The following THRB variants were observed in gnomAD, a reference collection of about 807,000 sequenced individuals.
THRB encodes the protein nuclear receptor subfamily 1 group A member 2.
Under a neutral mutation model 47.8 loss-of-function variants are expected in THRB, and 12 were observed. That is an observed-to-expected ratio of 0.25 (90% CI 0.16 to 0.41). The LOEUF is 0.41. Ranked by LOEUF, THRB falls within the 10% of genes least tolerant of loss-of-function variation. THRB has a pLI of 1.00. For synonymous variants in THRB, 218 were observed against 212.2 expected, an observed-to-expected ratio of 1.03 and a Z score of -0.24; for missense variants, 348 against 589.2, an observed-to-expected ratio of 0.59 and a Z score of 4.24.
intron 1 of THRB, among the ~76,000 whole-genome samples, chr3:24,487,165 T>C (rs916315193): frequency 6.6e-6 from 1 of 152,172 alleles, no homozygotes. Context: ...TGTGTGTGTG[T>C]GTGTGAAAAA....
intron 1 of THRB, among the ~76,000 whole-genome samples, chr3:24,488,504 T>C (rs1697642436): frequency 6.6e-6 from 1 of 151,768 alleles, no homozygotes; most frequent in Non-Finnish European, 1.5e-5. Flanking sequence ...TAAGTTGAGA[T>C]ATGTAAGCCA....
intron 1 of THRB, among the ~76,000 whole-genome samples, chr3:24,375,527 T>C (rs1051976966): frequency 1.4e-5 from 2 of 147,178 alleles, no homozygotes; most frequent in South Asian, 4.2e-4. Context: ...ATAATATTAA[T>C]ATATTAGTTA....
chr3:24,353,036 A>G (rs2149556398), intron 1 of THRB, among the ~76,000 whole-genome samples: 1 of 152,228 alleles, frequency 6.6e-6, no homozygotes, highest in Admixed American at 6.5e-5. Flanking sequence ...TGACAACTTC[A>G]GGGGTTAAAT....
intron 1 of THRB, among the ~76,000 whole-genome samples, chr3:24,410,465 A>T (rs750244812): frequency 9.9e-5 from 15 of 151,872 alleles, no homozygotes; most frequent in Non-Finnish European, 1.8e-4. Context: ...CATTTTGTAT[A>T]ACACATACAT....
chr3:24,442,649 AC>A (rs766589812), intron 1 of THRB, among the ~76,000 whole-genome samples: 3 of 151,714 alleles, frequency 2.0e-5, no homozygotes, highest in Non-Finnish European at 4.4e-5. Context: ...ACATGGAGAA[AC>A]CCTTCTCTAC....
intron 4 of THRB, among the ~76,000 whole-genome samples, chr3:24,196,967 C>G (rs985577117): frequency 1.9e-4 from 29 of 152,248 alleles, no homozygotes; most frequent in Non-Finnish European, 4.1e-4. Flanking sequence ...TTCCATCCCA[C>G]TTTCCATGTA....
intron 5 of THRB, among the ~76,000 whole-genome samples, chr3:24,185,687 G>T (rs1457628539): frequency 6.6e-6 from 1 of 152,124 alleles, no homozygotes; most frequent in African/African-American, 2.4e-5. Flanking sequence ...TTTCAGGGAG[G>T]TCCCTGATTG....
At chr3:24,243,929 A>C (rs1434256038) in intron 3 of THRB, among the ~76,000 whole-genome samples, 1 of 152,148 alleles carries the variant, frequency 6.6e-6, no homozygotes, top group African/African-American at 2.4e-5. Context: ...AGTGACACAA[A>C]AGGAAATAAA....
rs548155418 is a variant in THRB at position 24,346,200 on chromosome 3, AAGGGAGG to A, written c.-260-8836_-260-8830del. 5.5e-4 allele frequency among the ~76,000 whole-genome samples: 83 copies of A among 152,216 alleles called. No homozygotes were observed. In the South Asian group the frequency reaches 9.8e-3, roughly 18 times the overall value. On this transcript the variant is annotated intron_variant, in intron 1 of 10. Coordinates refer to ENST00000646209, the MANE Select transcript of THRB (RefSeq NM_001354712.2). The stretch of plus-strand genomic sequence containing the variant: ...ATTGAAATGTGAGACAATAATACAA[AAGGGAGG>A]AGTGGTAAGTAAAATTAAGTCCCTT...
chr3:24,465,692 G>A (rs2074086907), intron 1 of THRB, among the ~76,000 whole-genome samples: 1 of 152,106 alleles, frequency 6.6e-6, no homozygotes, highest in African/African-American at 2.4e-5. Flanking sequence ...ACTTGAGTCA[G>A]CGCACCCGGC....
At chr3:24,341,461 T>C (rs141791961) in intron 1 of THRB, among the ~76,000 whole-genome samples, 257 of 152,206 alleles carry the variant, frequency 1.7e-3, no homozygotes, top group African/African-American at 5.8e-3. Context: ...CTCGAACTCC[T>C]GAGCTCAAGC....
At chr3:24,190,459 G>T in intron 4 of THRB, 125 bp from the exon 5 acceptor site, 1 of 1,204,668 alleles carries the variant, frequency 8.3e-7, no homozygotes, top group Non-Finnish European at 1.2e-6. Context: ...CATGCCACTT[G>T]ACGGGAGTGA....
At chr3:24,379,060 G>A (rs941807607) in intron 1 of THRB, among the ~76,000 whole-genome samples, 3 of 152,034 alleles carry the variant, frequency 2.0e-5, no homozygotes, top group African/African-American at 7.3e-5. Context: ...TTTATTAGAT[G>A]AGAGTCGCAC....
intron 3 of THRB, among the ~76,000 whole-genome samples, chr3:24,283,782 C>T (rs1208889438): frequency 6.6e-6 from 1 of 152,096 alleles, no homozygotes; most frequent in Admixed American, 6.5e-5. Context: ...CATTCTTATA[C>T]ACCAGTAACA....
chr3:24,175,815 A>AT (rs2041068044), intron 5 of THRB, among the ~76,000 whole-genome samples: 3 of 152,174 alleles, frequency 2.0e-5, no homozygotes, highest in African/African-American at 4.8e-5. Flanking sequence ...TATAAACAAT[A>AT]AGATTGCTTG....
intron 5 of THRB, among the ~76,000 whole-genome samples, chr3:24,189,366 G>A (rs2043043737): frequency 6.6e-6 from 1 of 152,122 alleles, no homozygotes; most frequent in Non-Finnish European, 1.5e-5. Flanking sequence ...TGATCTCTTG[G>A]ACATTGAAAG....
intron 3 of THRB, among the ~76,000 whole-genome samples, chr3:24,275,785 T>C (rs1054094814): frequency 6.6e-6 from 1 of 152,172 alleles, no homozygotes; most frequent in Non-Finnish European, 1.5e-5. Context: ...TACAGTTGAA[T>C]CAATTGAGGA....
chr3:24,243,741 C>T (rs539476809), intron 3 of THRB, among the ~76,000 whole-genome samples: 3 of 152,122 alleles, frequency 2.0e-5, no homozygotes, highest in South Asian at 4.2e-4. Flanking sequence ...TGTTTTTTCT[C>T]CCTCTGCTAG....
Sources: allele counts gnomAD v4.1 joint callset (sites outside exome capture counted in the v4.1 genomes callset), GRCh38; gene constraint gnomAD v4.1.1; transcripts MANE v1.5; gene names NCBI Gene and HGNC (gene_info 2026-07-23, HGNC 2026-07-21).